TRIQK: variants seen among roughly 807,000 people sequenced by gnomAD.
The protein encoded by TRIQK is triple QxxK/R motif containing, also known as triple QxxK/R motif-containing protein.
Under a neutral mutation model 10.8 loss-of-function variants are expected in TRIQK, and 10 were observed. The ratio of observed to expected loss-of-function variants is 0.92; its 90% CI spans 0.57 to 1.57. The LOEUF is 1.57. Among genes scored for constraint, TRIQK ranks in the 40% most tolerant of loss-of-function variants. The probability of loss-of-function intolerance (pLI) is 0.00; values close to 1 mark genes in which losing one functional copy is unlikely to be tolerated. For missense variants in TRIQK, 107 were observed against 97.7 expected (o/e 1.09, Z -0.40); for synonymous variants, 33 against 33.7 (o/e 0.98, Z 0.07).
At chr8:93,011,285 G>A (rs1234619019) in intron 1 of TRIQK, among the ~76,000 whole-genome samples, 1 of 151,868 alleles carries the variant, frequency 6.6e-6, no homozygotes, top group East Asian at 1.9e-4. Flanking sequence ...AGCTAAAAGA[G>A]AGGATTTTGA....
chr8:92,948,758 G>A (rs1219834988), intron 2 of TRIQK, among the ~76,000 whole-genome samples: 1 of 152,126 alleles, frequency 6.6e-6, no homozygotes, highest in African/African-American at 2.4e-5. Flanking sequence ...AGACAATTAT[G>A]TTAATTTGAA....
intron 3 of TRIQK, among the ~76,000 whole-genome samples, chr8:92,912,384 A>G (rs1204614428): frequency 6.6e-6 from 1 of 151,894 alleles, no homozygotes; most frequent in Non-Finnish European, 1.5e-5. Context: ...ATGAAAATGA[A>G]AACACAATAT....
rs1810945014 is a variant in TRIQK at position 92,935,577 on chromosome 8, C to A, written c.-21-18567G>T. ...ATAATAGAAAAAGAATAAAGCCCTT[C>A]AAATTACAAAAAGTCATAAACTAAA... On this transcript the variant is annotated intron_variant, in intron 2 of 4. Coordinates refer to ENST00000521988, the MANE Select transcript of TRIQK (RefSeq NM_001171797.2). 2.6e-5 allele frequency among the ~76,000 whole-genome samples: 4 copies of A among 151,194 alleles called. No homozygotes were observed. The South Asian group carries it at 8.3e-4, about 31-fold the overall frequency.
In TRIQK at chr8:92,915,013, A is replaced by T. The variant is rs547309637; in HGVS notation, c.61+1916T>A. Among the ~76,000 whole-genome samples, 5 of 152,342 alleles carry T rather than the reference A, an allele frequency of 3.3e-5. No individual in the cohort carries two copies. The South Asian group carries it at 1.0e-3, about 32-fold the overall frequency. On this transcript the variant is annotated intron_variant, in intron 3 of 4. Transcript: ENST00000521988. ...AGAAATTATTTTATACATATATAAA[A>T]ATATATTTCACCCTTTAAAAAGGAG...
chr8:92,919,416 G>A (rs535183027), intron 2 of TRIQK, among the ~76,000 whole-genome samples: 14 of 151,886 alleles, frequency 9.2e-5, no homozygotes, highest in African/African-American at 3.4e-4. Flanking sequence ...GTTTATTCTT[G>A]ATTCTGCTGT....
intron 1 of TRIQK, among the ~76,000 whole-genome samples, chr8:93,017,113 GAGAGAGAGA>G (rs1813391665): frequency 3.2e-3 from 1 of 316 alleles, no homozygotes; most frequent in African/African-American, 0.014. Context: ...TATACTTGGA[GAGAGAGAGA>G]GAGAGAGAGA....
At chr8:92,905,307 T>A (rs937279398) in intron 3 of TRIQK, among the ~76,000 whole-genome samples, 1 of 152,174 alleles carries the variant, frequency 6.6e-6, no homozygotes, top group Non-Finnish European at 1.5e-5. Context: ...AAACATGATG[T>A]TCAGTAGAAG....
chr8:93,011,235 C>G (rs1813331512), intron 1 of TRIQK, among the ~76,000 whole-genome samples: 1 of 150,374 alleles, frequency 6.7e-6, no homozygotes, highest in South Asian at 2.1e-4. Flanking sequence ...GGAGGTATTT[C>G]TGTTGACCCA....
At position 92,963,072 on chromosome 8, in the gene TRIQK, AT is replaced by A. The variant is rs907714992; in HGVS notation, c.-181+2934del. Among the ~76,000 whole-genome samples, 43 of 152,288 alleles carry A rather than the reference AT, an allele frequency of 2.8e-4. 1 individual carries two copies. Among genetic ancestry groups the A allele is most frequent in the African/African-American group, 9.1e-4 (38 of 41,570 alleles). On this transcript the variant is annotated intron_variant, in intron 1 of 4. Transcript: ENST00000521988. The stretch of plus-strand genomic sequence containing the variant: ...TGAGCCCCTAAAAATCTCTAAATCC[AT>A]TGTAATGCTCTCTCTAAGCCATTTG...
At chr8:92,905,899 G>A (rs930636642) in intron 3 of TRIQK, among the ~76,000 whole-genome samples, 11 of 152,170 alleles carry the variant, frequency 7.2e-5, no homozygotes, top group African/African-American at 2.7e-4. Context: ...ATAGAGAACT[G>A]ACTACCTTGT....
chr8:92,888,205 C>T (rs901761728), intron 4 of TRIQK, among the ~76,000 whole-genome samples: 5 of 151,648 alleles, frequency 3.3e-5, no homozygotes, highest in African/African-American at 1.2e-4. Flanking sequence ...ACAGCAGTCC[C>T]CATTCGCCCA....
At chr8:92,999,557 TCATCAA>T (rs1437302968) in intron 1 of TRIQK, among the ~76,000 whole-genome samples, 1 of 152,168 alleles carries the variant, frequency 6.6e-6, no homozygotes, top group African/African-American at 2.4e-5. Context: ...TGTTCCAGTG[TCATCAA>T]CCAAGAAACA....
intron 2 of TRIQK, among the ~76,000 whole-genome samples, chr8:92,950,150 CAT>C (rs1300943251): frequency 7.2e-5 from 11 of 152,256 alleles, no homozygotes; most frequent in Admixed American, 5.9e-4. Context: ...ATTGTTCACA[CAT>C]GTTTGAAACT....
At chr8:92,980,011 G>A (rs1812970486) in intron 1 of TRIQK, among the ~76,000 whole-genome samples, 1 of 151,840 alleles carries the variant, frequency 6.6e-6, no homozygotes, top group South Asian at 2.1e-4. Flanking sequence ...AACAATAGAG[G>A]GTGTCTTCAT....
chr8:92,949,680 GAA>G (rs773840410), intron 2 of TRIQK, among the ~76,000 whole-genome samples: 30 of 75,362 alleles, frequency 4.0e-4, no homozygotes, highest in African/African-American at 2.2e-3. Context: ...AGGAAAGAAA[GAA>G]AGAAAGAAAG....
At position 93,017,293 on chromosome 8, in the gene TRIQK, A is replaced by G. The variant is rs189280487; in HGVS notation, c.-181+316T>C. Among the ~76,000 whole-genome samples, 6 of 152,306 alleles carry G rather than the reference A, an allele frequency of 3.9e-5. No homozygotes were observed. In the East Asian group the frequency reaches 1.2e-3, roughly 29 times the overall value. On this transcript the variant is annotated intron_variant, in intron 1 of 4. Coordinates refer to the TRIQK transcript ENST00000520686. ...GCTCTCGTTCAGTCACTTCAGGACT[A>G]AGTAAGAAATAAACGAACAAGCAAA...
chr8:92,901,199 A>G (rs1177088745), intron 3 of TRIQK, among the ~76,000 whole-genome samples: 1 of 152,130 alleles, frequency 6.6e-6, no homozygotes, highest in African/African-American at 2.4e-5. Context: ...GCAAACAAGG[A>G]TAATTTGATT....
intron 2 of TRIQK, among the ~76,000 whole-genome samples, chr8:92,932,046 A>C (rs1810754635): frequency 6.6e-6 from 1 of 152,158 alleles, no homozygotes; most frequent in Non-Finnish European, 1.5e-5. Context: ...GGCACTACTG[A>C]ATACTCTGTC....
chr8:92,933,472 T>C (rs1375635476), intron 2 of TRIQK, among the ~76,000 whole-genome samples: 1 of 152,074 alleles, frequency 6.6e-6, no homozygotes, highest in African/African-American at 2.4e-5. Context: ...ATTTTACACC[T>C]TATAGACATA....
Sources: allele counts gnomAD v4.1 joint callset (sites outside exome capture counted in the v4.1 genomes callset), GRCh38; gene constraint gnomAD v4.1.1; transcripts MANE v1.5; gene names NCBI Gene and HGNC (gene_info 2026-07-23, HGNC 2026-07-21).